ZNF44: variants seen among roughly 807,000 people sequenced by gnomAD.
ZNF44 encodes the protein gonadotropin inducible transcription repressor-2.
Under a neutral mutation model 11.7 loss-of-function variants are expected in ZNF44, and 9 were observed. The observed-to-expected ratio is 0.77, with a 90% CI of 0.46 to 1.35. The LOEUF (loss-of-function observed/expected upper bound fraction) is 1.35, where lower values mean the gene tolerates loss of function less well. Among genes scored for constraint, ZNF44 ranks in the 40% most tolerant of loss-of-function variants. The probability of loss-of-function intolerance (pLI) is 0.00; values close to 1 mark genes in which losing one functional copy is unlikely to be tolerated. For missense variants in ZNF44, 696 were observed against 743.1 expected (o/e 0.94, Z 0.74); for synonymous variants, 224 against 242.7 (o/e 0.92, Z 0.72).
downstream of ZNF44, among the ~76,000 whole-genome samples, chr19:12,267,841 T>A (rs1917789098): frequency 1.3e-5 from 2 of 151,304 alleles, no homozygotes; most frequent in Admixed American, 6.6e-5. Flanking sequence ...GTCTTTTTTT[T>A]TTTTTTAATT....
At chr19:12,250,135 A>G in intron 6 of ZNF44, 2 of 1,248,856 alleles carry the variant, frequency 1.6e-6, no homozygotes, top group Non-Finnish European at 2.1e-6. Flanking sequence ...CTGATTTACA[A>G]AAGAATTTTG....
intron 3 of ZNF44, among the ~76,000 whole-genome samples, chr19:12,229,536 C>A (rs564711367): frequency 6.6e-6 from 1 of 152,014 alleles, no homozygotes; most frequent in South Asian, 2.1e-4. Context: ...AAAACAAGAT[C>A]TATGAAGAGA....
chr19:12,259,870 G>A (rs1371863340), intron 5 of ZNF44, among the ~76,000 whole-genome samples: 1 of 152,222 alleles, frequency 6.6e-6, no homozygotes, highest in Non-Finnish European at 1.5e-5. Flanking sequence ...GCACTTTAGG[G>A]TCTTGGGAAA....
intron 1 of ZNF44, chr19:12,293,203 G>T: frequency 6.5e-7 from 1 of 1,530,730 alleles, no homozygotes; most frequent in Non-Finnish European, 8.8e-7. Flanking sequence ...TGATATACCA[G>T]AAGATTCCTC....
At chr19:12,252,788 G>C (rs1371223146) in intron 5 of ZNF44, among the ~76,000 whole-genome samples, 2 of 150,646 alleles carry the variant, frequency 1.3e-5, no homozygotes, top group African/African-American at 4.9e-5. Context: ...AATCAGGTAA[G>C]GTAAAGAGTC....
chr19:12,294,250 A>AC (rs1480284040), intron 1 of ZNF44, among the ~76,000 whole-genome samples: 1 of 151,798 alleles, frequency 6.6e-6, no homozygotes, highest in Non-Finnish European at 1.5e-5. Context: ...GCGACCCCAC[A>AC]TCCCAACCAC....
intron 5 of ZNF44, among the ~76,000 whole-genome samples, chr19:12,259,123 C>A (rs1272640973): frequency 6.6e-6 from 1 of 152,176 alleles, no homozygotes; most frequent in African/African-American, 2.4e-5. Context: ...AATCCACCTA[C>A]CTTGGCCTCC....
chr19:12,247,850 T>C, exon 8 of ZNF44: 1 of 1,304,658 alleles, frequency 7.7e-7, no homozygotes. Flanking sequence ...TCCCACACAG[T>C]TTACATTCAT....
upstream of ZNF44, among the ~76,000 whole-genome samples, chr19:12,239,887 TATATAGTAACA>T (rs1568422811): frequency 6.6e-6 from 1 of 152,090 alleles, no homozygotes. Context: ...GTTGCGTTTT[TATATAGTAACA>T]ATAAACGGTC....
rs1314326195 is a variant in ZNF44 at position 12,273,726 on chromosome 19, T to C, written c.529A>G (p.Thr177Ala). ...KPYDCKECGK[T>A]FSSPGNLRRH... Reference sequence around the variant, plus strand: ...CGAAGGTTTCCAGGAGAACTGAAGGTTTTTCCACATTCCTTACAATCATAG... The same window carrying C: ...CGAAGGTTTCCAGGAGAACTGAAGGCTTTTCCACATTCCTTACAATCATAG... The change falls in exon 4 of 4, where the codon ACC (threonine) becomes GCC (alanine). Residue 177 changes from threonine to alanine, a missense_variant. Physicochemically the swap from Thr to Ala is moderately conservative, Grantham distance 58 (BLOSUM62 0). Transcript: ENST00000355684. The C allele has an allele frequency of 1.2e-6, 2 of 1,613,928 alleles. No individual in the cohort carries two copies. Among genetic ancestry groups the C allele is most frequent in the Admixed American group, 3.3e-5 (2 of 59,978 alleles).
At chr19:12,233,105 T>A (rs986672634) in intron 2 of ZNF44, among the ~76,000 whole-genome samples, 2 of 151,990 alleles carry the variant, frequency 1.3e-5, no homozygotes, top group African/African-American at 4.8e-5. Context: ...CCAAAAACAT[T>A]CCAGACTCCT....
chr19:12,273,434 G>A lies in ZNF44; in HGVS notation c.821C>T (p.Thr274Ile), dbSNP rs763673999. The change falls in exon 4 of 4, where the codon ACT (threonine) becomes ATT (isoleucine). Residue 274 changes from threonine to isoleucine, a missense_variant. Transcript: ENST00000355684. Reference protein sequence around the residue: ...DYSSYLRHERTHTGEKPYKCK... With the variant: ...DYSSYLRHERIHTGEKPYKCK... ...TTTGTAGGGTTTCTCTCCAGTGTGA[G>A]TTCTTTCATGTCTTAGATATGAACT... The A allele has an allele frequency of 1.2e-6, 2 of 1,614,054 alleles. No homozygotes were observed. The highest frequency in any genetic ancestry group is 1.7e-6 in the Non-Finnish European group (2 of 1,180,024).
chr19:12,288,479 CACA>C lies in ZNF44; in HGVS notation c.3+6210_3+6212del, dbSNP rs1319923696. ...ATTTAAGAGGCCAGGCACAGTGGCT[CACA>C]CCTATAATCCCAGCACTTTGGGAGG... On this transcript the variant is annotated intron_variant, in intron 1 of 3. Transcript: ENST00000355684. 4.6e-5 allele frequency among the ~76,000 whole-genome samples: 7 copies of C among 152,136 alleles called. No individual in the cohort carries two copies. The East Asian group carries it at 1.4e-3, about 29-fold the overall frequency.
At chr19:12,275,082 CA>C in intron 2 of ZNF44, 49 bp from the exon 3 acceptor site, 1 of 1,401,802 alleles carries the variant, frequency 7.1e-7, no homozygotes, top group Admixed American at 2.3e-5. Context: ...CAAAATGATA[CA>C]AAAATTGTTA....
upstream of ZNF44, among the ~76,000 whole-genome samples, chr19:12,240,413 C>G (rs1218571565): frequency 6.7e-6 from 1 of 148,156 alleles, no homozygotes; most frequent in East Asian, 1.9e-4. Flanking sequence ...CCACTACACT[C>G]CAGCCTGGGA....
intron 1 of ZNF44, among the ~76,000 whole-genome samples, chr19:12,293,612 G>A (rs1298316579): frequency 6.6e-6 from 1 of 152,114 alleles, no homozygotes; most frequent in East Asian, 1.9e-4. Flanking sequence ...GTGTCTATTT[G>A]AAATATCGTC....
At position 12,233,570 on chromosome 19, in the gene ZNF44, A is replaced by AAAAC. The variant is rs1568419648; in HGVS notation, n.380+1096_380+1097insGTTT. Among the ~76,000 whole-genome samples, 98 of 148,636 alleles carry AAAAC rather than the reference A, an allele frequency of 6.6e-4. 1 individual carries two copies. The highest frequency in any genetic ancestry group is 2.5e-3 in the African/African-American group (96 of 38,406). On this transcript the variant is annotated intron_variant and non_coding_transcript_variant, in intron 2 of 3. Coordinates refer to the ZNF44 transcript ENST00000597563. Reference sequence around the variant, plus strand: ...TACATCAAAAAAAAAAAAAAAAAAAAAACCTGACAATAGAAACTGCCTGTG... The same window carrying AAAAC: ...TACATCAAAAAAAAAAAAAAAAAAAAAAACAACCTGACAATAGAAACTGCCTGTG...
chr19:12,238,552 C>T (rs536653857), upstream of ZNF44, among the ~76,000 whole-genome samples: 13 of 147,024 alleles, frequency 8.8e-5, no homozygotes, highest in African/African-American at 2.8e-4. Context: ...TGCCTGAACC[C>T]GGGAGACAGA....
At chr19:12,281,284 T>C (rs767130129) in intron 1 of ZNF44, among the ~76,000 whole-genome samples, 38 of 152,162 alleles carry the variant, frequency 2.5e-4, no homozygotes, top group Admixed American at 1.4e-3. Flanking sequence ...AGAAGCATAG[T>C]TGAAAAACCT....
Sources: allele counts gnomAD v4.1 joint callset (sites outside exome capture counted in the v4.1 genomes callset), GRCh38; gene constraint gnomAD v4.1.1; transcripts MANE v1.5; gene names NCBI Gene and HGNC (gene_info 2026-07-23, HGNC 2026-07-21).